Variants in DNAAF1 observed in about 807,000 individuals in gnomAD.
DNAAF1 encodes the protein dynein assembly factor 1, axonemal.
DNAAF1 carries 65 observed loss-of-function variants against 71.1 expected under a neutral mutation model. That is an observed-to-expected ratio of 0.91 (90% confidence interval 0.75 to 1.12). DNAAF1 has a LOEUF of 1.12. DNAAF1 is among the 50% of genes most tolerant of loss of function. The pLI, the probability that DNAAF1 is intolerant of heterozygous loss-of-function variation, is 0.00. For missense variants in DNAAF1, 1,178 were observed against 899.8 expected (o/e 1.31, Z -3.96); for synonymous variants, 414 against 354.6 (o/e 1.17, Z -1.88).
chr16:84,171,088 C>T (rs1389221532), intron 8 of DNAAF1, among the ~76,000 whole-genome samples: 1 of 152,064 alleles, frequency 6.6e-6, no homozygotes, highest in Non-Finnish European at 1.5e-5. Context: ...TAAACGAAGC[C>T]CCGAGAGCAA....
intron 8 of DNAAF1, among the ~76,000 whole-genome samples, chr16:84,171,822 G>A (rs1180732505): frequency 6.6e-6 from 1 of 152,040 alleles, no homozygotes; most frequent in Non-Finnish European, 1.5e-5. Flanking sequence ...GAAGCCTGTG[G>A]TGAGCTGCCG....
At chr16:84,169,288 G>A (rs1486757993) in intron 7 of DNAAF1, among the ~76,000 whole-genome samples, 2 of 150,426 alleles carry the variant, frequency 1.3e-5, no homozygotes, top group African/African-American at 2.4e-5. Context: ...GTTTCACCAT[G>A]TTTGTCAGGC....
intron 9 of DNAAF1, chr16:84,173,624 A>G: frequency 1.5e-6 from 1 of 682,100 alleles, no homozygotes; most frequent in East Asian, 1.4e-4. Flanking sequence ...ACATGAAGTC[A>G]GGAGTTTGAG....
At chr16:84,174,847 C>T (rs2088568123) in intron 10 of DNAAF1, 125 bp downstream of exon 10, 1 of 1,222,844 alleles carries the variant, frequency 8.2e-7, no homozygotes, top group Non-Finnish European at 1.2e-6. Context: ...TGAATTCCCC[C>T]ATATTCTTTT....
chr16:84,164,599 G>A (rs1370835731), intron 6 of DNAAF1, among the ~76,000 whole-genome samples: 1 of 152,188 alleles, frequency 6.6e-6, no homozygotes. Flanking sequence ...TTGACAGCTT[G>A]TTTCTTTTCA....
rs921722133 is a variant in DNAAF1, at chr16:84,145,536, G to C, written c.96G>C (p.Gly32=). 1.3e-6 allele frequency: 2 copies of C among 1,552,306 alleles called. No individual in the cohort carries two copies. The highest frequency in any genetic ancestry group is 1.7e-6 in the Non-Finnish European group (2 of 1,148,236). ...PGVEESAGDH[G]SAGRGGCKEE... is the part of the protein sequence containing the mutation. ...TGGAGGAGTCTGCGGGTGACCACGGGAGCGCAGGCCGAGGGGGCTGCAAGG... is the reference window on the plus strand; with the variant it reads ...TGGAGGAGTCTGCGGGTGACCACGGCAGCGCAGGCCGAGGGGGCTGCAAGG... The change falls in exon 1 of 12, where the codon GGG becomes GGC. Residue 32 remains glycine (G), a synonymous_variant. Coordinates refer to ENST00000378553, the MANE Select transcript of DNAAF1 (RefSeq NM_178452.6).
intron 2 of DNAAF1, 134 bp downstream of exon 2, chr16:84,149,276 G>T (rs550312686): frequency 2.6e-6 from 3 of 1,165,672 alleles, no homozygotes; most frequent in African/African-American, 3.0e-5. Flanking sequence ...ATGGAGTGAG[G>T]ATGGCACTGC....
intron 6 of DNAAF1, 48 bp downstream of exon 6, chr16:84,159,844 A>G (rs1192323300): frequency 6.2e-7 from 1 of 1,604,936 alleles, no homozygotes; most frequent in East Asian, 2.2e-5. Context: ...TTAGTAGTTG[A>G]CCATGCTTAA....
Position 84,162,733 on chromosome 16 carries a change from C to T in DNAAF1, c.863+2937C>T, listed in dbSNP as rs191675234. Among the ~76,000 whole-genome samples the T allele has an allele frequency of 1.9e-3, 282 of 152,140 alleles. 1 individual carries two copies. Among genetic ancestry groups the T allele is most frequent in the Admixed American group, 4.7e-3 (72 of 15,294 alleles). ...ACTTGGGAGGCTGAGGCAAGAGAAT[C>T]GCTTGAACCCGGGAGGCGGAGGTTG... is the stretch of plus-strand genomic sequence containing the variant. On this transcript the variant is annotated intron_variant, in intron 6 of 11. Transcript: ENST00000378553.
chr16:84,177,672 C>G, intron 11 of DNAAF1, 57 bp from the exon 12 acceptor site: 1 of 1,488,724 alleles, frequency 6.7e-7, no homozygotes, highest in Admixed American at 1.7e-5. Flanking sequence ...AGGCTGCCCC[C>G]CTGTCCTTGC....
chr16:84,149,657 C>G (rs371009773), intron 2 of DNAAF1, among the ~76,000 whole-genome samples: 8 of 144,158 alleles, frequency 5.5e-5, no homozygotes, highest in African/African-American at 2.1e-4. Flanking sequence ...TACCACTGCA[C>G]TCCAGCCCGG....
At chr16:84,162,841 C>T (rs1448826566) in intron 6 of DNAAF1, among the ~76,000 whole-genome samples, 2 of 151,510 alleles carry the variant, frequency 1.3e-5, no homozygotes, top group African/African-American at 2.4e-5. Context: ...AAAAGAAATA[C>T]CATCCCCATT....
Position 84,177,771 on chromosome 16 carries a change from G to C in DNAAF1, c.2108G>C (p.Gly703Ala). ...GCCACACCCCCAGAGACGTGTGTCG[G>C]AGTTGCCCAGCCCAGCCAAGCTCTG... ...SAATPPETCV[G>A]VAQPSQALPT... Residue 703 changes from glycine to alanine, a missense_variant, in exon 12 of 12, where the codon GGA becomes GCA. Transcript: ENST00000378553. 6.2e-7 allele frequency: 1 copy of C among 1,614,054 alleles called. No homozygotes were observed. Among genetic ancestry groups the C allele is most frequent in the South Asian group, 1.1e-5 (1 of 91,088 alleles).
intron 2 of DNAAF1, 90 bp downstream of exon 2, chr16:84,149,232 G>A: frequency 6.5e-7 from 1 of 1,531,378 alleles, no homozygotes; most frequent in Non-Finnish European, 9.0e-7. Flanking sequence ...AATAGAGGCT[G>A]GTAGAGATTG....
At chr16:84,151,298 T>C (rs1451582680) in intron 3 of DNAAF1, among the ~76,000 whole-genome samples, 2 of 152,074 alleles carry the variant, frequency 1.3e-5, no homozygotes, top group African/African-American at 4.8e-5. Flanking sequence ...TCCTGGGGGA[T>C]GGGAGCAGCT....
intron 5 of DNAAF1, among the ~76,000 whole-genome samples, chr16:84,157,947 C>T (rs1344840399): frequency 6.6e-6 from 1 of 152,150 alleles, no homozygotes; most frequent in Non-Finnish European, 1.5e-5. Flanking sequence ...GTGGCTCACG[C>T]CTGTAATCCC....
intron 6 of DNAAF1, 89 bp downstream of exon 6, chr16:84,159,885 G>C: frequency 1.3e-6 from 2 of 1,489,042 alleles, no homozygotes; most frequent in South Asian, 1.2e-5. Context: ...TGATTCTTGA[G>C]AAATTTCACA....
intron 1 of DNAAF1, among the ~76,000 whole-genome samples, chr16:84,147,760 C>CCAA (rs1555519731): frequency 3.3e-5 from 5 of 149,476 alleles, no homozygotes; most frequent in South Asian, 2.1e-4. Flanking sequence ...AAGCCCCCCC[C>CCAA]AAAAAAAAAA....
At chr16:84,168,306 T>C (rs2088131493) in intron 7 of DNAAF1, among the ~76,000 whole-genome samples, 1 of 152,248 alleles carries the variant, frequency 6.6e-6, no homozygotes, top group Admixed American at 6.5e-5. Flanking sequence ...GTGATTCTTT[T>C]GAACCTGCCT....
Sources: allele counts gnomAD v4.1 joint callset (sites outside exome capture counted in the v4.1 genomes callset), GRCh38; gene constraint gnomAD v4.1.1; transcripts MANE v1.5; gene names NCBI Gene and HGNC (gene_info 2026-07-23, HGNC 2026-07-21).